The following NRG3 variants were observed in gnomAD, a reference collection of about 807,000 sequenced individuals.
The protein encoded by NRG3 is pro-neuregulin-3, membrane-bound isoform.
NRG3 carries 31 observed loss-of-function variants against 66.9 expected under a neutral mutation model. The observed-to-expected ratio is 0.46, with a 90% CI of 0.35 to 0.63. The LOEUF (loss-of-function observed/expected upper bound fraction) is 0.63. Ranked by LOEUF, NRG3 falls within the 20% of genes least tolerant of loss-of-function variation. The pLI, the probability that NRG3 is intolerant of heterozygous loss-of-function variation, is 0.00. For missense variants in NRG3, 910 were observed against 878.9 expected, an observed-to-expected ratio of 1.04 and a Z score of -0.45; for synonymous variants, 393 against 359.4, an observed-to-expected ratio of 1.09 and a Z score of -1.06.
chr10:82,404,874 A>T (rs1272381960), intron 2 of NRG3, among the ~76,000 whole-genome samples: 1 of 151,928 alleles, frequency 6.6e-6, no homozygotes, highest in African/African-American at 2.4e-5. Context: ...TCATTTTGCC[A>T]TTTTTTTCCC....
chr10:82,940,987 A>G (rs1787796322), intron 4 of NRG3, among the ~76,000 whole-genome samples: 1 of 152,126 alleles, frequency 6.6e-6, no homozygotes. Context: ...ACAAAATTCA[A>G]TCCATAACAG....
At chr10:82,858,830 A>T (rs1438845631) in intron 3 of NRG3, among the ~76,000 whole-genome samples, 1 of 152,170 alleles carries the variant, frequency 6.6e-6, no homozygotes, top group Admixed American at 6.5e-5. Context: ...GTTTTCATCA[A>T]GTTGGAAACG....
intron 3 of NRG3, among the ~76,000 whole-genome samples, chr10:82,812,476 A>G (rs1317684229): frequency 6.6e-6 from 1 of 152,234 alleles, no homozygotes; most frequent in Non-Finnish European, 1.5e-5. Flanking sequence ...GTTATTTTTC[A>G]TTTAATCCTA....
chr10:82,395,468 G>A (rs963623407), intron 2 of NRG3, among the ~76,000 whole-genome samples: 11 of 152,140 alleles, frequency 7.2e-5, no homozygotes, highest in African/African-American at 2.7e-4. Flanking sequence ...CATATGTCAG[G>A]TACACACAGC....
At chr10:82,399,549 G>T (rs1344333846) in intron 2 of NRG3, among the ~76,000 whole-genome samples, 1 of 152,144 alleles carries the variant, frequency 6.6e-6, no homozygotes, top group Non-Finnish European at 1.5e-5. Context: ...ACATGGCCTG[G>T]TTCTGGTGAG....
At chr10:82,578,145 C>A (rs1378553173) in intron 2 of NRG3, among the ~76,000 whole-genome samples, 1 of 150,966 alleles carries the variant, frequency 6.6e-6, no homozygotes, top group Non-Finnish European at 1.5e-5. Context: ...TTAACGCAAG[C>A]AGATTTTTTA....
At chr10:82,007,299 T>A (rs1387522958) in intron 1 of NRG3, among the ~76,000 whole-genome samples, 2 of 147,404 alleles carry the variant, frequency 1.4e-5, no homozygotes. Flanking sequence ...AACCTCCACC[T>A]CCCAGGTTCA....
intron 2 of NRG3, among the ~76,000 whole-genome samples, chr10:82,561,718 T>C (rs565626655): frequency 1.3e-5 from 2 of 152,212 alleles, no homozygotes; most frequent in Non-Finnish European, 2.9e-5. Context: ...ATCACATTTC[T>C]CAGTTTTGCT....
intron 3 of NRG3, among the ~76,000 whole-genome samples, chr10:82,746,821 G>A (rs993686685): frequency 2.0e-5 from 3 of 152,142 alleles, no homozygotes; most frequent in African/African-American, 4.8e-5. Context: ...GCTCACGCTT[G>A]TAATCTCAGC....
At position 82,277,201 on chromosome 10, in the gene NRG3, C is replaced by T. The variant is rs142034644; in HGVS notation, c.824-81538C>T. Among the ~76,000 whole-genome samples, 710 of 151,966 alleles carry T rather than the reference C, an allele frequency of 4.7e-3. 5 individuals carry two copies. The highest frequency in any genetic ancestry group is 0.016 in the African/African-American group (680 of 41,450). On this transcript the variant is annotated intron_variant, in intron 1 of 8. Coordinates refer to ENST00000372141, the MANE Select transcript of NRG3 (RefSeq NM_001010848.4). ...TGAAGCCTTTAACCCAGAAAGGCCT[C>T]TAAGTACGTTTTGGATCATAAAATA...
chr10:82,705,476 CA>C, intron 2 of NRG3, among the ~76,000 whole-genome samples: 1 of 152,302 alleles, frequency 6.6e-6, no homozygotes, highest in East Asian at 1.9e-4. Flanking sequence ...GTTAAGTGAA[CA>C]GGTGCATTGA....
chr10:82,151,963 A>C (rs2070780650), intron 1 of NRG3, among the ~76,000 whole-genome samples: 1 of 152,246 alleles, frequency 6.6e-6, no homozygotes, highest in African/African-American at 2.4e-5. Flanking sequence ...TAAGAGGATT[A>C]AATAGATAGA....
At chr10:82,624,568 C>T (rs2049276836) in intron 2 of NRG3, among the ~76,000 whole-genome samples, 1 of 152,014 alleles carries the variant, frequency 6.6e-6, no homozygotes, top group East Asian at 1.9e-4. Context: ...TAAATTACAG[C>T]ATAAAATATT....
In NRG3 at chr10:81,875,446, G is replaced by A; in HGVS notation, c.106G>A (p.Gly36Arg). Residue 36 changes from glycine (G) to arginine (R), a missense_variant, in exon 1 of 9, where the codon GGG becomes AGG. By Grantham distance (125) the Gly-to-Arg change is moderately radical (BLOSUM62 -2). Transcript: ENST00000372141. This position sits in a 1 kb window ranked among gnomAD's most constrained non-coding sequence, Gnocchi z 5.3. ...AAAAAAAAAG[G>R]GPDGGGEGAA... ...GGCTGCGGCGGCGGCAGCGGCGGGC[G>A]GGGGCCCGGACGGCGGCGGCGAAGG... 1.7e-6 allele frequency: 2 copies of A among 1,203,638 alleles called. No individual in the cohort carries two copies. Among genetic ancestry groups the A allele is most frequent in the Non-Finnish European group, 1.0e-6 (1 of 970,392 alleles). The allele number at this position is 1,203,638 out of a possible 1,614,324, so 74.6% of individuals were successfully genotyped here. A position where few individuals can be genotyped will look rare whatever the true frequency, so the allele number is the denominator to read the frequency against.
intron 1 of NRG3, among the ~76,000 whole-genome samples, chr10:81,945,984 C>T (rs143819996): frequency 5.9e-5 from 9 of 152,220 alleles, no homozygotes; most frequent in African/African-American, 9.6e-5. Context: ...TCTCTCAGAA[C>T]GAACCTCTCA....
chr10:82,160,670 C>T (rs1307135514), intron 1 of NRG3, among the ~76,000 whole-genome samples: 1 of 151,896 alleles, frequency 6.6e-6, no homozygotes, highest in Non-Finnish European at 1.5e-5. Context: ...TTGAATAACT[C>T]AGGGAATAGC....
intron 6 of NRG3, among the ~76,000 whole-genome samples, chr10:82,968,046 T>C (rs564536299): frequency 7.2e-4 from 109 of 152,362 alleles, no homozygotes; most frequent in African/African-American, 2.4e-3. Context: ...AGATTTAAGG[T>C]GGCAGTGTGC....
intron 1 of NRG3, among the ~76,000 whole-genome samples, chr10:81,993,471 TGAGTA>T (rs1418777264): frequency 2.6e-5 from 4 of 152,056 alleles, no homozygotes; most frequent in Non-Finnish European, 5.9e-5. Flanking sequence ...CTTAGCCTCC[TGAGTA>T]GGTGGGCCTA....
chr10:82,918,010 C>CTA (rs1182529009), intron 4 of NRG3, among the ~76,000 whole-genome samples: 2 of 133,734 alleles, frequency 1.5e-5, no homozygotes, highest in Non-Finnish European at 3.2e-5. Context: ...ATGTATCTCT[C>CTA]TCTATATATA....
Sources: gnomAD v4.1 joint callset for allele counts (sites outside exome capture counted in the v4.1 genomes callset) on GRCh38, gnomAD v4.1.1 for gene constraint, Gnocchi (gnomAD v3.1) non-coding constraint, MANE v1.5 for transcripts, NCBI Gene and HGNC (gene_info 2026-07-23, HGNC 2026-07-21) for gene names.